The following PTPN2 variants were observed in gnomAD, a reference collection of about 807,000 sequenced individuals.
The protein encoded by PTPN2 is tyrosine-protein phosphatase non-receptor type 2.
Under a neutral mutation model 57.3 loss-of-function variants are expected in PTPN2, and 19 were observed. That is an observed-to-expected ratio of 0.33 (90% CI 0.23 to 0.49). PTPN2 has a LOEUF of 0.49. PTPN2 is among the 20% of genes least tolerant of loss of function. The pLI, the probability that PTPN2 is intolerant of heterozygous loss-of-function variation, is 0.99. For synonymous variants in PTPN2, 153 were observed against 164.9 expected (o/e 0.93, Z 0.55); for missense variants, 358 against 501.1 (o/e 0.71, Z 2.73).
chr18:12,786,121 T>C (rs1040216072), intron 9 of PTPN2: 4 of 444,416 alleles, frequency 9.0e-6, no homozygotes, highest in African/African-American at 8.2e-5. Context: ...ATTCTTAAGG[T>C]CATCTTATTT....
chr18:12,819,329 G>A, intron 5 of PTPN2: 1 of 867,766 alleles, frequency 1.2e-6, no homozygotes, highest in Non-Finnish European at 1.7e-6. Flanking sequence ...AATGATCATG[G>A]TTTCTACGCT....
chr18:12,805,223 G>A (rs1186847427), intron 7 of PTPN2, among the ~76,000 whole-genome samples: 1 of 152,124 alleles, frequency 6.6e-6, no homozygotes, highest in African/African-American at 2.4e-5. Context: ...TTGGGAGGCT[G>A]AGGTGGGTGA....
Position 12,793,259 on chromosome 18 carries a change from T to C in PTPN2, c.*1019A>G. The C allele has an allele frequency of 1.0e-6, 1 of 973,952 alleles. No individual in the cohort carries two copies. The highest frequency in any genetic ancestry group is 4.8e-5 in the South Asian group (1 of 21,000). 60.3% of individuals were successfully genotyped at this position (973,952 alleles called of 1,614,324 possible). On this transcript the variant is annotated 3_prime_UTR_variant, in exon 9 of 9. Transcript: ENST00000309660. ...TTAAAATGACAATGTAAGGTTTGCATATAATCATACTATTTATTGAAGTAG... is the reference window on the plus strand; with the variant it reads ...TTAAAATGACAATGTAAGGTTTGCACATAATCATACTATTTATTGAAGTAG...
At chr18:12,830,207 T>C (rs776991222) in intron 4 of PTPN2, among the ~76,000 whole-genome samples, 1 of 152,042 alleles carries the variant, frequency 6.6e-6, no homozygotes, top group Non-Finnish European at 1.5e-5. Flanking sequence ...TGAGGTGCAG[T>C]GGCACAATCT....
At position 12,825,840 on chromosome 18, in the gene PTPN2, T is replaced by G. The variant is rs759392651; in HGVS notation, c.465A>C (p.Thr155=). ...TATTTTCTAATTGTAGTAGATGTAC[T>G]GTATAATACGACTTCACATCTTCTG... The part of the protein sequence containing the change: ...LLSEDVKSYY[T]VHLLQLENIN... The change falls in exon 5 of 9, where the codon ACA becomes ACC. Residue 155 remains threonine (T), a synonymous_variant. Transcript: ENST00000309660. The G allele has an allele frequency of 1.2e-6, 2 of 1,610,074 alleles. No homozygotes were observed. Among genetic ancestry groups the G allele is most frequent in the Admixed American group, 3.4e-5 (2 of 59,700 alleles).
rs528638080 is a variant in PTPN2 at position 12,882,612 on chromosome 18, T to C, written c.69+1461A>G. 9.8e-5 allele frequency among the ~76,000 whole-genome samples: 15 copies of C among 152,360 alleles called. No individual in the cohort carries two copies. In the South Asian group the frequency reaches 3.1e-3, roughly 32 times the overall value. On this transcript the variant is annotated intron_variant, in intron 1 of 8. Coordinates refer to ENST00000309660, the MANE Select transcript of PTPN2 (RefSeq NM_002828.4). ...GAGAAGATGCAGCTGGCAGGCTCTC[T>C]CACATGAAGATTCCTACCAGAATTT...
At chr18:12,785,900 C>G in intron 9 of PTPN2, 1 of 1,427,186 alleles carries the variant, frequency 7.0e-7, no homozygotes, top group Non-Finnish European at 9.9e-7. Context: ...AACACACAGA[C>G]GAACATAGAT....
chr18:12,882,372 C>T (rs1167252458), intron 1 of PTPN2, among the ~76,000 whole-genome samples: 2 of 152,118 alleles, frequency 1.3e-5, no homozygotes, highest in Non-Finnish European at 2.9e-5. Flanking sequence ...TGTGAAATCT[C>T]CAGTGGATGC....
In PTPN2 at chr18:12,870,427, GTATATATATATGTGTATATATA is replaced by G. The variant is rs1568169507; in HGVS notation, c.70-11195_70-11174del. On this transcript the variant is annotated intron_variant, in intron 1 of 8. Transcript: ENST00000309660. ...CACGTATATATATGTATATATATACGTATATATATATGTGTATATATATATATATATATATAGAGAGAGAGAG... is the reference window on the plus strand; with the variant it reads ...CACGTATATATATGTATATATATACGTATATATATATATAGAGAGAGAGAG... Among the ~76,000 whole-genome samples the G allele has an allele frequency of 2.5e-3, 86 of 34,968 alleles. 2 individuals are homozygous for G. Among genetic ancestry groups the G allele is most frequent in the Non-Finnish European group, 2.9e-3 (73 of 25,172 alleles). The allele number at this position is 34,968 out of a possible 152,430, so 22.9% of individuals were successfully genotyped here.
At chr18:12,860,320 T>C (rs1031660948) in intron 1 of PTPN2, among the ~76,000 whole-genome samples, 2 of 150,232 alleles carry the variant, frequency 1.3e-5, no homozygotes, top group Non-Finnish European at 3.0e-5. Context: ...AAAATTAGGC[T>C]GTGCGCGGTG....
chr18:12,844,963 T>C lies in PTPN2; in HGVS notation c.161-8072A>G, dbSNP rs911105829. On this transcript the variant is annotated intron_variant, in intron 2 of 8. Transcript: ENST00000309660. ...CTTTGCACCTTTGTCAAAAAATCAGTTCACCATATTTTTACAAGTCTATTT... is the reference window on the plus strand; with the variant it reads ...CTTTGCACCTTTGTCAAAAAATCAGCTCACCATATTTTTACAAGTCTATTT... 3.3e-5 allele frequency among the ~76,000 whole-genome samples: 5 copies of C among 152,284 alleles called. No individual in the cohort carries two copies. In the South Asian group the frequency reaches 1.0e-3, roughly 32 times the overall value.
At chr18:12,807,568 G>GA (rs68088093) in intron 7 of PTPN2, among the ~76,000 whole-genome samples, 484 of 41,154 alleles carry the variant, frequency 0.012, 24 homozygotes, top group Middle Eastern at 0.038. Context: ...AGAAAATGTG[G>GA]AAAAAAAAAA....
chr18:12,854,430 A>T (rs11664870), intron 2 of PTPN2, among the ~76,000 whole-genome samples: 6,252 of 152,126 alleles, frequency 0.041, 259 homozygotes, highest in East Asian at 0.2. Context: ...AGTATTAGTG[A>T]CGTGGGAAAT....
chr18:12,789,644 C>G (rs1186347544), downstream of PTPN2, among the ~76,000 whole-genome samples: 2 of 152,086 alleles, frequency 1.3e-5, no homozygotes. Flanking sequence ...AATCTATGCC[C>G]CGGCTACACA....
chr18:12,809,791 A>G (rs1298493115), intron 7 of PTPN2, among the ~76,000 whole-genome samples: 1 of 152,228 alleles, frequency 6.6e-6, no homozygotes, highest in Non-Finnish European at 1.5e-5. Context: ...CAATGCTTGT[A>G]TTCAGATCTT....
At chr18:12,820,738 GTCCC>G (rs746966157) in intron 5 of PTPN2, among the ~76,000 whole-genome samples, 2 of 152,136 alleles carry the variant, frequency 1.3e-5, no homozygotes, top group African/African-American at 2.4e-5. Flanking sequence ...ATTATAGGCT[GTCCC>G]TGTCTGCAGC....
intron 1 of PTPN2, among the ~76,000 whole-genome samples, chr18:12,865,687 C>T (rs769943642): frequency 6.6e-6 from 1 of 151,714 alleles, no homozygotes; most frequent in Non-Finnish European, 1.5e-5. Context: ...GTGAGCTGGG[C>T]GTCATGGCAT....
intron 2 of PTPN2, chr18:12,843,812 T>A (rs2043128292): frequency 6.6e-6 from 1 of 152,470 alleles, no homozygotes; most frequent in Non-Finnish European, 1.5e-5. Context: ...GACCTTATTT[T>A]GATTTCTCCA....
intron 1 of PTPN2, chr18:12,872,219 T>C (rs1568172240): frequency 1.3e-5 from 2 of 152,202 alleles, no homozygotes; most frequent in Non-Finnish European, 2.9e-5. Flanking sequence ...AGGAATCCTG[T>C]AGCCTTACCT....
Sources: gnomAD v4.1 joint callset for allele counts (sites outside exome capture counted in the v4.1 genomes callset) on GRCh38, gnomAD v4.1.1 for gene constraint, MANE v1.5 for transcripts, NCBI Gene and HGNC (gene_info 2026-07-23, HGNC 2026-07-21) for gene names.